TAFA2: variants seen among roughly 807,000 people sequenced by gnomAD.
The protein encoded by TAFA2 is chemokine-like protein TAFA-2.
TAFA2 carries 7 observed loss-of-function variants against 18.8 expected under a neutral mutation model. The observed-to-expected ratio is 0.37, with a 90% CI of 0.21 to 0.70. The LOEUF is 0.70. TAFA2 is among the 30% of genes least tolerant of loss of function. The pLI, the probability that TAFA2 is intolerant of heterozygous loss-of-function variation, is 0.53. For missense variants in TAFA2, 122 were observed against 158.1 expected, an observed-to-expected ratio of 0.77 and a Z score of 1.23; for synonymous variants, 60 against 54.2, an observed-to-expected ratio of 1.11 and a Z score of -0.47.
Position 61,709,138 on chromosome 12 carries a change from G to A in TAFA2, c.*1268C>T, listed in dbSNP as rs1455036886. 1 of 151,936 alleles carries A rather than the reference G, an allele frequency of 6.6e-6. No individual in the cohort carries two copies. 9.4% of individuals were successfully genotyped at this position (151,936 alleles called of 1,614,324 possible). A position where few individuals can be genotyped will look rare whatever the true frequency, so the allele number is the denominator to read the frequency against. ...ATATCACAAATGAAACAAAATAAAT[G>A]TAGTACAAAATTATACATTCTATAA... On this transcript the variant is annotated 3_prime_UTR_variant, in exon 5 of 5. Coordinates refer to ENST00000416284, the MANE Select transcript of TAFA2 (RefSeq NM_178539.5).
chr12:61,752,826 A>G (rs1389183216), intron 4 of TAFA2, among the ~76,000 whole-genome samples: 2 of 152,008 alleles, frequency 1.3e-5, no homozygotes, highest in Non-Finnish European at 2.9e-5. Context: ...TAAAACATCA[A>G]TTTATACCAT....
intron 1 of TAFA2, among the ~76,000 whole-genome samples, chr12:62,208,303 G>T (rs572706520): frequency 1.3e-5 from 2 of 152,036 alleles, no homozygotes; most frequent in Non-Finnish European, 2.9e-5. Flanking sequence ...AAAGATAGTG[G>T]CCTAAGACAT....
At chr12:61,886,624 G>A (rs984696736) in intron 1 of TAFA2, among the ~76,000 whole-genome samples, 1 of 152,116 alleles carries the variant, frequency 6.6e-6, no homozygotes, top group Non-Finnish European at 1.5e-5. Context: ...TCTCGTGTGG[G>A]TCCCAGTGGT....
At chr12:61,921,382 A>G (rs1877046861) in intron 1 of TAFA2, among the ~76,000 whole-genome samples, 1 of 152,034 alleles carries the variant, frequency 6.6e-6, no homozygotes, top group Admixed American at 6.6e-5. Flanking sequence ...GAGCAAGAAG[A>G]CTCCCTGATA....
Position 62,245,620 on chromosome 12 carries a change from T to A in TAFA2, c.-130+13143A>T, listed in dbSNP as rs1169864557. Among the ~76,000 whole-genome samples the A allele has an allele frequency of 2.7e-5, 4 of 147,880 alleles. No homozygotes were observed. In the South Asian group the frequency reaches 8.4e-4, roughly 31 times the overall value. On this transcript the variant is annotated intron_variant, in intron 1 of 5. Transcript: ENST00000551619. ...TCTATGTAATACATATAAATATATA[T>A]TATACATAAATATATAAAATGTATA...
At position 61,881,857 on chromosome 12, in the gene TAFA2, A is replaced by G. The variant is rs995225425; in HGVS notation, c.-1-14431T>C. 1.4e-3 allele frequency among the ~76,000 whole-genome samples: 212 copies of G among 152,192 alleles called. 3 individuals are homozygous for G. The highest frequency in any genetic ancestry group is 1.6e-4 in the Non-Finnish European group (11 of 68,002). On this transcript the variant is annotated intron_variant, in intron 1 of 4. Transcript: ENST00000416284. ...CAGGGTGTGGCTTCAGTTCGAAGCC[A>G]TCTTATTTCTGAGTAGGTAGCACTT...
rs548029641 is a variant in TAFA2, at chr12:62,130,028, A to G, written c.-2+61231T>C. On this transcript the variant is annotated intron_variant, in intron 1 of 4. Transcript: ENST00000416284. ...GATTAACCCATAAATCCCATTTCCC[A>G]GTTATAACAATGATAAACATAAATC... is the stretch of plus-strand genomic sequence containing the variant. Among the ~76,000 whole-genome samples the G allele has an allele frequency of 8.5e-5, 13 of 152,132 alleles. No homozygotes were observed. In the South Asian group the frequency reaches 1.0e-3, roughly 12 times the overall value.
chr12:62,038,932 T>C (rs1375206184), intron 1 of TAFA2, among the ~76,000 whole-genome samples: 3 of 152,146 alleles, frequency 2.0e-5, no homozygotes, highest in Non-Finnish European at 4.4e-5. Context: ...ACCCTTCACA[T>C]AGCCTTCTCC....
intron 1 of TAFA2, among the ~76,000 whole-genome samples, chr12:62,063,861 C>A (rs1882417353): frequency 6.6e-6 from 1 of 151,620 alleles, no homozygotes; most frequent in South Asian, 2.1e-4. Flanking sequence ...GCTGGACACA[C>A]ACACACACAC....
rs1875166683 is a variant in TAFA2 at position 61,882,039 on chromosome 12, C to CA, written c.-1-14614_-1-14613insT. Reference sequence around the variant, plus strand: ...TAGACCTATGGACTTCAAATGAGTGCCATTATATGAAATAACTGTGCTTAT... The same window carrying CA: ...TAGACCTATGGACTTCAAATGAGTGCACATTATATGAAATAACTGTGCTTAT... On this transcript the variant is annotated intron_variant, in intron 1 of 4. Transcript: ENST00000416284. Among the ~76,000 whole-genome samples, 3 of 152,072 alleles carry CA rather than the reference C, an allele frequency of 2.0e-5. No homozygotes were observed. In the South Asian group the frequency reaches 6.2e-4, roughly 32 times the overall value.
At chr12:62,248,177 T>A (rs553952900) in intron 1 of TAFA2, among the ~76,000 whole-genome samples, 6 of 152,368 alleles carry the variant, frequency 3.9e-5, no homozygotes, top group Admixed American at 1.3e-4. Flanking sequence ...GAGGCCAGGC[T>A]TTGCCCAACT....
chr12:62,236,154 T>A (rs1302418418), intron 1 of TAFA2, among the ~76,000 whole-genome samples: 1 of 152,168 alleles, frequency 6.6e-6, no homozygotes, highest in Non-Finnish European at 1.5e-5. Context: ...CTTTAGTCCA[T>A]ACTAGAGATA....
At chr12:62,098,666 TG>T (rs1565743592) in intron 1 of TAFA2, among the ~76,000 whole-genome samples, 1 of 152,196 alleles carries the variant, frequency 6.6e-6, no homozygotes. Context: ...TAGCTTGAGT[TG>T]GAAGTCTACG....
At chr12:62,027,260 T>A (rs1881334944) in intron 1 of TAFA2, among the ~76,000 whole-genome samples, 2 of 152,110 alleles carry the variant, frequency 1.3e-5, no homozygotes, top group African/African-American at 4.8e-5. Context: ...AGAATTAACA[T>A]GCAGCATACA....
chr12:62,198,786 C>T (rs1270897268), intron 1 of TAFA2, among the ~76,000 whole-genome samples: 1 of 152,138 alleles, frequency 6.6e-6, no homozygotes, highest in East Asian at 1.9e-4. Context: ...TTATGCTATC[C>T]CCATCCCCTA....
chr12:62,244,152 A>G (rs2062874376), intron 1 of TAFA2, among the ~76,000 whole-genome samples: 1 of 151,706 alleles, frequency 6.6e-6, no homozygotes, highest in Admixed American at 6.6e-5. Flanking sequence ...AAAAACAAAG[A>G]AAACTAAAAA....
intron 1 of TAFA2, among the ~76,000 whole-genome samples, chr12:62,036,764 A>G (rs760258740): frequency 4.8e-4 from 73 of 152,242 alleles, no homozygotes; most frequent in Non-Finnish European, 9.0e-4. Context: ...AAATAGCACA[A>G]CTAAAGCAGA....
At chr12:62,000,845 T>A (rs1880353610) in intron 1 of TAFA2, among the ~76,000 whole-genome samples, 1 of 152,238 alleles carries the variant, frequency 6.6e-6, no homozygotes, top group Non-Finnish European at 1.5e-5. Context: ...AGATTCCATT[T>A]ATATAAAGGT....
intron 1 of TAFA2, among the ~76,000 whole-genome samples, chr12:62,108,349 G>A (rs943642956): frequency 1.3e-5 from 2 of 152,170 alleles, no homozygotes; most frequent in African/African-American, 4.8e-5. Flanking sequence ...GAATTCCATG[G>A]TGTATATGTG....
Sources: gnomAD v4.1 joint callset for allele counts (sites outside exome capture counted in the v4.1 genomes callset) on GRCh38, gnomAD v4.1.1 for gene constraint, MANE v1.5 for transcripts, NCBI Gene and HGNC (gene_info 2026-07-23, HGNC 2026-07-21) for gene names.